Variants in MARK1 observed in about 807,000 individuals in gnomAD.
The protein encoded by MARK1 is serine/threonine-protein kinase MARK1.
MARK1 carries 40 observed loss-of-function variants against 96.3 expected under a neutral mutation model. The ratio of observed to expected loss-of-function variants is 0.42; its 90% CI spans 0.32 to 0.54. MARK1 has a LOEUF of 0.54. MARK1 is among the 20% of genes least tolerant of loss of function. MARK1 has a pLI of 0.16. For missense variants in MARK1, 719 were observed against 984.6 expected (o/e 0.73, Z 3.61); for synonymous variants, 317 against 341.2 (o/e 0.93, Z 0.78).
At chr1:220,628,851 C>T (rs1239177975) in intron 9 of MARK1, among the ~76,000 whole-genome samples, 2 of 151,452 alleles carry the variant, frequency 1.3e-5, no homozygotes, top group Non-Finnish European at 2.9e-5. Context: ...CTTTGGGAAG[C>T]CGAGGCAAGC....
chr1:220,661,912 A>G lies in MARK1; in HGVS notation c.2134A>G (p.Met712Val), dbSNP rs372929663. The change falls in exon 18 of 18, where the codon ATG becomes GTG. Residue 712 changes from methionine (M) to valine (V), a missense_variant. By Grantham distance (21) the Met-to-Val change is conservative. This residue lies in a region of MARK1 where 501 missense variants were observed against 588.3 expected (regional missense o/e 0.85). Transcript: ENST00000366917. The stretch of plus-strand genomic sequence containing the variant: ...ATGGAGTATGAAGACCACTAGTTCA[A>G]TGGACCCTAATGACATGATGAGAGA... ...FTWSMKTTSS[M>V]DPNDMMREIR... The G allele has an allele frequency of 2.7e-5, 44 of 1,614,076 alleles. No individual in the cohort carries two copies. Among genetic ancestry groups the G allele is most frequent in the Non-Finnish European group, 3.6e-5 (42 of 1,180,024 alleles).
intron 9 of MARK1, among the ~76,000 whole-genome samples, chr1:220,620,972 TGTTA>T (rs1667025636): frequency 6.6e-6 from 1 of 152,142 alleles, no homozygotes; most frequent in South Asian, 2.1e-4. Flanking sequence ...CTTCAAAAAT[TGTTA>T]GTCTTCACTT....
intron 1 of MARK1, among the ~76,000 whole-genome samples, chr1:220,560,001 A>G (rs1006852999): frequency 5.9e-5 from 9 of 152,104 alleles, no homozygotes; most frequent in African/African-American, 2.2e-4. Context: ...GGTTTAATGG[A>G]CTCACAGTTC....
chr1:220,623,617 G>A (rs1244223136), intron 9 of MARK1, among the ~76,000 whole-genome samples: 1 of 152,066 alleles, frequency 6.6e-6, no homozygotes, highest in East Asian at 1.9e-4. Context: ...TCTCATTGCT[G>A]CCCAATTCTC....
chr1:220,616,933 T>A (rs1170916604), intron 7 of MARK1, among the ~76,000 whole-genome samples: 4 of 152,186 alleles, frequency 2.6e-5, no homozygotes, highest in African/African-American at 9.7e-5. Context: ...GTGTTTTCCC[T>A]CCAGTCCAAT....
intron 10 of MARK1, 66 bp from the exon 11 acceptor site, chr1:220,632,135 A>G (rs1024197642): frequency 4.1e-6 from 3 of 727,818 alleles, no homozygotes; most frequent in South Asian, 3.0e-5. Flanking sequence ...AAACTTGCCC[A>G]TTTTTGTTGA....
intron 3 of MARK1, among the ~76,000 whole-genome samples, chr1:220,584,804 A>G (rs1390421679): frequency 2.0e-5 from 3 of 152,236 alleles, no homozygotes; most frequent in Admixed American, 2.0e-4. Context: ...AGAGAGCACA[A>G]GAAGCTCTTT....
At chr1:220,589,239 T>C (rs1476048307) in intron 3 of MARK1, among the ~76,000 whole-genome samples, 1 of 152,194 alleles carries the variant, frequency 6.6e-6, no homozygotes, top group African/African-American at 2.4e-5. Context: ...GGCCCCTGAC[T>C]ATGACACTTT....
intron 13 of MARK1, among the ~76,000 whole-genome samples, chr1:220,636,944 T>G (rs991060458): frequency 6.7e-6 from 1 of 150,312 alleles, no homozygotes; most frequent in African/African-American, 2.4e-5. Flanking sequence ...TGACCTTAGG[T>G]TGATCAATAG....
At chr1:220,644,901 CA>C (rs1668496889) in intron 13 of MARK1, among the ~76,000 whole-genome samples, 1 of 152,066 alleles carries the variant, frequency 6.6e-6, no homozygotes, top group Non-Finnish European at 1.5e-5. Flanking sequence ...GGCAGTGTAC[CA>C]GAATTTCTGG....
intron 1 of MARK1, among the ~76,000 whole-genome samples, chr1:220,557,850 C>T (rs1455156956): frequency 6.6e-6 from 1 of 152,028 alleles, no homozygotes; most frequent in African/African-American, 2.4e-5. Context: ...TGGAAAATGC[C>T]TGGGCACTGT....
chr1:220,577,249 A>G (rs1663926375), intron 1 of MARK1, among the ~76,000 whole-genome samples: 1 of 150,318 alleles, frequency 6.7e-6, no homozygotes, highest in Non-Finnish European at 1.5e-5. Flanking sequence ...CCTGGGTGAC[A>G]GATCAAGACC....
chr1:220,649,278 C>T (rs1277929619), intron 13 of MARK1, among the ~76,000 whole-genome samples: 2 of 151,762 alleles, frequency 1.3e-5, no homozygotes, highest in African/African-American at 2.4e-5. Flanking sequence ...GGCTGGAGTG[C>T]AGTGATGCAA....
At position 220,581,068 on chromosome 1, in the gene MARK1, G is replaced by A; in HGVS notation, c.259G>A (p.Ala87Thr). Residue 87 changes from alanine to threonine, a missense_variant, in exon 3 of 18, where the codon GCT becomes ACT. Ala to Thr is a moderately conservative substitution (Grantham distance 58, BLOSUM62 0). This residue lies in a region of MARK1 where 105 missense variants were observed against 133.4 expected (regional missense o/e 0.79). Transcript: ENST00000366917. ...TTTAATGATTCTTCTTTTTTAGGTT[G>A]CTGTGAAAATAATAGACAAAACTCA... The part of the protein sequence containing the change: ...ARHVLTGREV[A>T]VKIIDKTQLN... 1.6e-6 allele frequency: 2 copies of A among 1,275,496 alleles called. No individual in the cohort carries two copies. Among genetic ancestry groups the A allele is most frequent in the African/African-American group, 1.5e-5 (1 of 66,208 alleles). 79.0% of individuals were successfully genotyped at this position (1,275,496 alleles called of 1,614,324 possible).
intron 16 of MARK1, among the ~76,000 whole-genome samples, 158 bp downstream of exon 16, chr1:220,653,510 CAT>C (rs1487405440): frequency 4.0e-5 from 6 of 151,758 alleles, no homozygotes; most frequent in African/African-American, 9.7e-5. Flanking sequence ...TCTAGGAAGA[CAT>C]AAAGTATTTT....
intron 1 of MARK1, chr1:220,576,559 G>A (rs760966932): frequency 6.6e-6 from 1 of 152,086 alleles, no homozygotes; most frequent in Non-Finnish European, 1.5e-5. Context: ...ATCAAAATGT[G>A]GTATAGTATT....
At chr1:220,608,764 C>G (rs940090447) in intron 6 of MARK1, among the ~76,000 whole-genome samples, 1 of 152,158 alleles carries the variant, frequency 6.6e-6, no homozygotes, top group African/African-American at 2.4e-5. Context: ...TGTCTTTGTT[C>G]TCATTGGTTT....
intron 9 of MARK1, among the ~76,000 whole-genome samples, chr1:220,624,786 T>C (rs1187451760): frequency 1.3e-5 from 2 of 152,184 alleles, no homozygotes; most frequent in African/African-American, 4.8e-5. Flanking sequence ...TTCCTTCTAA[T>C]TGCTTATCTC....
At chr1:220,627,746 GA>G (rs56680726) in intron 9 of MARK1, 4,562 of 159,504 alleles carry the variant, frequency 0.029, 88 homozygotes, top group African/African-American at 0.056. Context: ...ACAAAATCCT[GA>G]AAATGCCAAA....
Sources: allele counts gnomAD v4.1 joint callset (sites outside exome capture counted in the v4.1 genomes callset), GRCh38; gene constraint gnomAD v4.1.1; regional missense constraint gnomAD v4.1.1; transcripts MANE v1.5; gene names NCBI Gene and HGNC (gene_info 2026-07-23, HGNC 2026-07-21).